ROR2: variants seen among roughly 807,000 people sequenced by gnomAD.
The protein encoded by ROR2 is ROR family WNT receptor 2.
ROR2 carries 33 observed loss-of-function variants against 74.9 expected under a neutral mutation model. That is an observed-to-expected ratio of 0.44 (90% CI 0.33 to 0.59). ROR2 has a LOEUF of 0.59. Ranked by LOEUF, ROR2 falls within the 20% of genes least tolerant of loss-of-function variation. ROR2 has a pLI of 0.02. For synonymous variants in ROR2, 586 were observed against 558.7 expected (o/e 1.05, Z -0.69); for missense variants, 1,216 against 1,313.8 (o/e 0.93, Z 1.15).
rs932618486 is a variant in ROR2 at position 91,905,692 on chromosome 9, T to G, written c.97+44175A>C. 7.2e-6 allele frequency among the ~76,000 whole-genome samples: 1 copy of G among 138,050 alleles called. No individual in the cohort carries two copies. The highest frequency in any genetic ancestry group is 7.4e-5 in the Admixed American group (1 of 13,602). 90.6% of individuals were successfully genotyped at this position (138,050 alleles called of 152,430 possible). ...TACACTCCAAAATCTGTTTTTCTTT[T>G]TAGAAGACCACAAACCCCACTACAT... On this transcript the variant is annotated intron_variant, in intron 1 of 8. Coordinates refer to ENST00000375708, the MANE Select transcript of ROR2 (RefSeq NM_004560.4). This position sits in a 1 kb window ranked among gnomAD's most constrained non-coding sequence, Gnocchi z 5.3.
rs1409816559 is a variant in ROR2, at chr9:91,733,455, T to G, written c.623-19A>C. Reference sequence around the variant, plus strand: ...AAGGCCGCTGCAGAGCCCGCGAGACTCGCGTTAGCGGGGGACCCACCTTGC... The same window carrying G: ...AAGGCCGCTGCAGAGCCCGCGAGACGCGCGTTAGCGGGGGACCCACCTTGC... On this transcript the variant is annotated intron_variant, in intron 5 of 8. Transcript: ENST00000375708. This position sits in a 1 kb window ranked among gnomAD's most constrained non-coding sequence, Gnocchi z 5.7. 1 of 1,605,534 alleles carries G rather than the reference T, an allele frequency of 6.2e-7. No individual in the cohort carries two copies. Among genetic ancestry groups the G allele is most frequent in the Non-Finnish European group, 8.5e-7 (1 of 1,178,008 alleles).
At chr9:91,927,462 G>A (rs941693167) in intron 1 of ROR2, among the ~76,000 whole-genome samples, 2 of 152,050 alleles carry the variant, frequency 1.3e-5, no homozygotes, top group African/African-American at 2.4e-5. Context: ...AAAAAAGTCC[G>A]AGGGCCACCT....
rs766058276 is a variant in ROR2 at position 91,726,609 on chromosome 9, G to A, written c.1318C>T (p.Gln440Ter). ...GGCGAGGCCATCAGCTGTCGCCGCT[G>A]CGGTGTGGACGCAGATGCCTTCTGC... ...NKQKASASTP[Q>*]RRQLMASPSQ... Residue 440 changes from glutamine (Q) to a stop codon, truncating the protein, a stop_gained, in exon 8 of 9, where the codon CAG becomes TAG. Transcript: ENST00000375708. LOFTEE classifies it high-confidence loss of function. 6.2e-7 allele frequency: 1 copy of A among 1,613,964 alleles called. No individual in the cohort carries two copies. Among genetic ancestry groups the A allele is most frequent in the South Asian group, 1.1e-5 (1 of 91,072 alleles).
chr9:91,726,138 C>A (rs1837021836), intron 8 of ROR2, among the ~76,000 whole-genome samples: 1 of 152,186 alleles, frequency 6.6e-6, no homozygotes. Context: ...ATTCTCCTAT[C>A]CTTCCCTGTA....
intron 1 of ROR2, among the ~76,000 whole-genome samples, chr9:91,945,788 G>A (rs1209807606): frequency 6.6e-6 from 1 of 152,200 alleles, no homozygotes; most frequent in Non-Finnish European, 1.5e-5. Context: ...CTACGAATAT[G>A]ATTTTAAACA....
intron 1 of ROR2, among the ~76,000 whole-genome samples, chr9:91,890,759 A>G (rs988227305): frequency 1.3e-5 from 2 of 152,248 alleles, no homozygotes; most frequent in African/African-American, 4.8e-5. Flanking sequence ...CGGTGACAAC[A>G]GAAATCTGTA....
Position 91,722,909 on chromosome 9 carries a change from G to A in ROR2, c.*753C>T, listed in dbSNP as rs1836849252. The A allele has an allele frequency of 1.0e-5, 4 of 382,088 alleles. No individual in the cohort carries two copies. The highest frequency in any genetic ancestry group is 7.4e-5 in the Admixed American group (2 of 26,922). The allele number at this position is 382,088 out of a possible 1,614,324, so 23.7% of individuals were successfully genotyped here. On this transcript the variant is annotated 3_prime_UTR_variant, in exon 9 of 9. Transcript: ENST00000375708. ...TTCTTAACAAAAATAACAATACCGT[G>A]TTCTGTACAATACTGCTTCCTCTGA... is the stretch of plus-strand genomic sequence containing the variant.
At chr9:91,836,514 T>C (rs1828615169) in intron 1 of ROR2, among the ~76,000 whole-genome samples, 1 of 142,370 alleles carries the variant, frequency 7.0e-6, no homozygotes, top group African/African-American at 2.8e-5. Context: ...CACTCCAGCC[T>C]GGAAGACAGA....
chr9:91,767,585 GAGCTGCAGGAAGGACATAA>G (rs1826098530), intron 2 of ROR2, among the ~76,000 whole-genome samples: 2 of 152,224 alleles, frequency 1.3e-5, no homozygotes, highest in South Asian at 4.1e-4. Flanking sequence ...GAAATCCTGA[GAGCTGCAGGAAGGACATAA>G]AGCTGCTCCT....
chr9:91,777,938 C>A (rs962820091), intron 1 of ROR2, among the ~76,000 whole-genome samples: 1 of 152,204 alleles, frequency 6.6e-6, no homozygotes. Context: ...CTCACTCAGA[C>A]CACTTCCCAG....
At chr9:91,852,200 A>G (rs1829118338) in intron 1 of ROR2, among the ~76,000 whole-genome samples, 1 of 152,168 alleles carries the variant, frequency 6.6e-6, no homozygotes, top group African/African-American at 2.4e-5. Flanking sequence ...CCTCCAGCCA[A>G]CATACTACAT....
chr9:91,928,961 G>A (rs1293701567), intron 1 of ROR2, among the ~76,000 whole-genome samples: 1 of 152,228 alleles, frequency 6.6e-6, no homozygotes, highest in Non-Finnish European at 1.5e-5. Flanking sequence ...TGAATAGAAA[G>A]ACTGGCAAGA....
intron 5 of ROR2, among the ~76,000 whole-genome samples, chr9:91,734,721 G>C (rs1824963316): frequency 6.6e-6 from 1 of 152,178 alleles, no homozygotes; most frequent in East Asian, 1.9e-4. Context: ...CCACACTGGG[G>C]AATGAGAGTG....
intron 1 of ROR2, among the ~76,000 whole-genome samples, chr9:91,861,276 G>T (rs1451205583): frequency 6.6e-6 from 1 of 152,110 alleles, no homozygotes; most frequent in Non-Finnish European, 1.5e-5. Flanking sequence ...TTGACCTGCT[G>T]CTTCTAATTC....
At chr9:91,806,969 A>G (rs10761131) in intron 1 of ROR2, among the ~76,000 whole-genome samples, 28,499 of 152,060 alleles carry the variant, frequency 0.19, 5,304 homozygotes, top group East Asian at 0.53. Flanking sequence ...TCAGAAGCAG[A>G]CTTGGGAAAC....
At chr9:91,750,690 C>A (rs2118811806) in intron 4 of ROR2, among the ~76,000 whole-genome samples, 1 of 152,310 alleles carries the variant, frequency 6.6e-6, no homozygotes, top group East Asian at 1.9e-4. Flanking sequence ...CAGCTGGAAA[C>A]ATGTGTCAGG....
At chr9:91,752,258 G>A (rs920333488) in intron 4 of ROR2, among the ~76,000 whole-genome samples, 4 of 152,216 alleles carry the variant, frequency 2.6e-5, no homozygotes, top group African/African-American at 9.6e-5. Context: ...AAATGAAAAT[G>A]CATGTCCACA....
chr9:91,926,278 G>A (rs1441345866), intron 1 of ROR2, among the ~76,000 whole-genome samples: 1 of 151,988 alleles, frequency 6.6e-6, no homozygotes, highest in Non-Finnish European at 1.5e-5. Flanking sequence ...AGCTACTTGG[G>A]AGGCTGAGGC....
At chr9:91,900,775 C>T (rs1056715462) in intron 1 of ROR2, among the ~76,000 whole-genome samples, 1 of 152,200 alleles carries the variant, frequency 6.6e-6, no homozygotes, top group Non-Finnish European at 1.5e-5. Context: ...CCACTTCACA[C>T]CTCAATTCTG....
Sources: gnomAD v4.1 joint callset for allele counts (sites outside exome capture counted in the v4.1 genomes callset) on GRCh38, gnomAD v4.1.1 for gene constraint, Gnocchi (gnomAD v3.1) non-coding constraint, MANE v1.5 for transcripts, NCBI Gene and HGNC (gene_info 2026-07-23, HGNC 2026-07-21) for gene names.